Variants in STYX observed in about 807,000 individuals in gnomAD.
The protein encoded by STYX is serine/threonine/tyrosine-interacting protein.
STYX carries 20 observed loss-of-function variants against 42.7 expected under a neutral mutation model. That is an observed-to-expected ratio of 0.47 (90% confidence interval 0.33 to 0.68). The LOEUF is 0.68. Among genes scored for constraint, STYX ranks in the 30% least tolerant of loss-of-function variants. The pLI, the probability that STYX is intolerant of heterozygous loss-of-function variation, is 0.02. For missense variants in STYX, 226 were observed against 268.5 expected (o/e 0.84, Z 1.11); for synonymous variants, 78 against 81.9 (o/e 0.95, Z 0.26).
intron 3 of STYX, among the ~76,000 whole-genome samples, chr14:52,747,647 T>C (rs1057058699): frequency 2.0e-5 from 3 of 152,248 alleles, no homozygotes; most frequent in African/African-American, 7.2e-5. Context: ...CAGATGGTTT[T>C]AGATAATTTA....
intron 1 of STYX, among the ~76,000 whole-genome samples, chr14:52,743,626 T>G (rs1391037259): frequency 6.6e-6 from 1 of 152,136 alleles, no homozygotes; most frequent in African/African-American, 2.4e-5. Flanking sequence ...TTAGAGAATC[T>G]GGGTGAAGGG....
At chr14:52,750,876 A>G (rs1310741683) in intron 4 of STYX, 96 bp downstream of exon 4, 10 of 735,402 alleles carry the variant, frequency 1.4e-5, no homozygotes, top group Non-Finnish European at 1.9e-5. Flanking sequence ...GTTTGTAAAA[A>G]TGGGTCATAT....
At position 52,736,540 on chromosome 14, in the gene STYX, T is replaced by C. The variant is rs576810665; in HGVS notation, c.57+6009T>C. Among the ~76,000 whole-genome samples, 4 of 152,348 alleles carry C rather than the reference T, an allele frequency of 2.6e-5. No individual in the cohort carries two copies. The East Asian group carries it at 7.7e-4, about 29-fold the overall frequency. Reference sequence around the variant, plus strand: ...ACAGAAAGTGAAATATTTATTTCCATTGCAGTTTAGCAACTTTCCATGTTT... The same window carrying C: ...ACAGAAAGTGAAATATTTATTTCCACTGCAGTTTAGCAACTTTCCATGTTT... On this transcript the variant is annotated intron_variant, in intron 1 of 10. Transcript: ENST00000354586.
In STYX at chr14:52,757,254, T is replaced by C. The variant is rs1397094710; in HGVS notation, c.304-65T>C. ...ATTAGGAAATTGTTTTCAATAGGTT[T>C]CATTTTGTTTCATTATATGCATTTA... On this transcript the variant is annotated intron_variant, in intron 5 of 10. Transcript: ENST00000354586. The C allele has an allele frequency of 3.9e-6, 5 of 1,269,762 alleles. No individual in the cohort carries two copies. In the East Asian group the frequency reaches 1.2e-4, roughly 30 times the overall value. The allele number at this position is 1,269,762 out of a possible 1,614,324, so 78.7% of individuals were successfully genotyped here.
intron 5 of STYX, 54 bp downstream of exon 5, chr14:52,756,665 C>G: frequency 3.8e-6 from 1 of 261,296 alleles, no homozygotes. Context: ...GATTTGACTT[C>G]TTAGTTGTGC....
chr14:52,750,327 C>T (rs1329634896), intron 3 of STYX, among the ~76,000 whole-genome samples: 2 of 152,078 alleles, frequency 1.3e-5, no homozygotes, highest in South Asian at 2.1e-4. Context: ...CTTAGTGGTT[C>T]TCTCTAAACA....
In STYX at chr14:52,744,883, A is replaced by T; in HGVS notation, c.89A>T (p.Gln30Leu). The change falls in exon 2 of 11, where the codon CAG (glutamine) becomes CTG (leucine). Residue 30 changes from glutamine (Q) to leucine (L), a missense_variant and splice_region_variant. Transcript: ENST00000354586. ...EWTYPMRREM[Q>L]EILPGLFLGP... ...ACCTACCCTATGAGACGAGAGATGC[A>T]GGTATGGCAACCTTTTCTTTGTTCA... is the stretch of plus-strand genomic sequence containing the variant. 1.2e-6 allele frequency: 2 copies of T among 1,613,024 alleles called. No individual in the cohort carries two copies. The highest frequency in any genetic ancestry group is 1.7e-6 in the Non-Finnish European group (2 of 1,179,608).
intron 1 of STYX, among the ~76,000 whole-genome samples, chr14:52,732,578 A>T (rs1880778879): frequency 6.6e-6 from 1 of 150,836 alleles, no homozygotes; most frequent in African/African-American, 2.4e-5. Flanking sequence ...CGGCCAATAT[A>T]CTCTTAGAAA....
chr14:52,771,241 G>T lies in STYX; in HGVS notation c.*135G>T. The T allele has an allele frequency of 1.5e-6, 1 of 683,206 alleles. No individual in the cohort carries two copies. The highest frequency in any genetic ancestry group is 2.3e-6 in the Non-Finnish European group (1 of 425,574). 42.3% of individuals were successfully genotyped at this position (683,206 alleles called of 1,614,324 possible). A position where few individuals can be genotyped will look rare whatever the true frequency, so the allele number is the denominator to read the frequency against. On this transcript the variant is annotated 3_prime_UTR_variant, in exon 11 of 11. Coordinates refer to ENST00000354586, the MANE Select transcript of STYX (RefSeq NM_145251.4). ...ATGTTGCTTCCAGACATACTTCTCT[G>T]CAACTTGTTGAGCAACATTTTAAGA... is the stretch of plus-strand genomic sequence containing the variant.
chr14:52,748,780 T>C (rs961453829), intron 3 of STYX, among the ~76,000 whole-genome samples: 2 of 152,204 alleles, frequency 1.3e-5, no homozygotes, highest in Non-Finnish European at 2.9e-5. Context: ...ATAAAGTAGA[T>C]AGGAAAACTC....
intron 9 of STYX, among the ~76,000 whole-genome samples, chr14:52,767,258 G>T (rs1882339887): frequency 6.6e-6 from 1 of 152,028 alleles, no homozygotes; most frequent in South Asian, 2.1e-4. Flanking sequence ...TTCATCATAG[G>T]GCCAGTCCTC....
chr14:52,757,188 T>G, intron 5 of STYX, 131 bp from the exon 6 acceptor site: 2 of 703,808 alleles, frequency 2.8e-6, no homozygotes, highest in Non-Finnish European at 4.4e-6. Flanking sequence ...ATTTATAGCA[T>G]TTTGGAAATT....
chr14:52,767,086 G>A (rs559838081), intron 9 of STYX, among the ~76,000 whole-genome samples: 3 of 152,246 alleles, frequency 2.0e-5, no homozygotes, highest in South Asian at 2.1e-4. Flanking sequence ...AAGGTGGGAC[G>A]AGAATTGTAT....
At chr14:52,746,780 G>A (rs1363140173) in intron 3 of STYX, among the ~76,000 whole-genome samples, 1 of 152,138 alleles carries the variant, frequency 6.6e-6, no homozygotes, top group African/African-American at 2.4e-5. Context: ...ATCTGTAATT[G>A]CTAATCATAG....
intron 4 of STYX, among the ~76,000 whole-genome samples, chr14:52,753,494 T>G (rs1010167918): frequency 2.0e-5 from 3 of 152,160 alleles, no homozygotes; most frequent in Non-Finnish European, 4.4e-5. Flanking sequence ...CCGAGGGACA[T>G]ATTTTTCATG....
intron 9 of STYX, among the ~76,000 whole-genome samples, chr14:52,761,565 AG>A (rs1245762007): frequency 1.8e-5 from 2 of 114,060 alleles, no homozygotes; most frequent in Non-Finnish European, 3.6e-5. Context: ...AGTAGCCAAA[AG>A]TTTTTTTTTT....
intron 4 of STYX, among the ~76,000 whole-genome samples, chr14:52,753,137 G>A (rs1881699448): frequency 6.9e-6 from 1 of 144,348 alleles, no homozygotes; most frequent in Admixed American, 7.4e-5. Context: ...TGCATCCTCC[G>A]CCTCCCAGGT....
In STYX at chr14:52,771,124, T is replaced by C. The variant is rs1195960607; in HGVS notation, c.*18T>C. On this transcript the variant is annotated 3_prime_UTR_variant, in exon 11 of 11. Coordinates refer to ENST00000354586, the MANE Select transcript of STYX (RefSeq NM_145251.4). ...ATGGCTGACTTGAAGAGCAACATCA[T>C]AGAGTGTGAATTTCTATTTGGGAAG... is the stretch of plus-strand genomic sequence containing the variant. 6.3e-7 allele frequency: 1 copy of C among 1,586,974 alleles called. No homozygotes were observed. The highest frequency in any genetic ancestry group is 2.3e-5 in the East Asian group (1 of 44,410).
chr14:52,774,153 C>T lies in STYX; in HGVS notation c.*3047C>T, dbSNP rs1882626948. On this transcript the variant is annotated 3_prime_UTR_variant, in exon 11 of 11. Transcript: ENST00000354586. Reference sequence around the variant, plus strand: ...ACCATGATAGCTTTTGCTACCAACTCAACCACTTAACTTTTAGAGCAGTTT... The same window carrying T: ...ACCATGATAGCTTTTGCTACCAACTTAACCACTTAACTTTTAGAGCAGTTT... The T allele has an allele frequency of 6.6e-6, 1 of 152,176 alleles. No homozygotes were observed. The highest frequency in any genetic ancestry group is 2.4e-5 in the African/African-American group (1 of 41,438). The allele number at this position is 152,176 out of a possible 1,614,324, so 9.4% of individuals were successfully genotyped here. A position where few individuals can be genotyped will look rare whatever the true frequency, so the allele number is the denominator to read the frequency against.
Sources: allele counts gnomAD v4.1 joint callset (sites outside exome capture counted in the v4.1 genomes callset), GRCh38; gene constraint gnomAD v4.1.1; transcripts MANE v1.5; gene names NCBI Gene and HGNC (gene_info 2026-07-23, HGNC 2026-07-21).